Variants in SPOCK3 observed in about 807,000 individuals in gnomAD.
The protein encoded by SPOCK3 is testican-3.
A neutral mutation model predicts 56.6 loss-of-function variants in SPOCK3; 30 were observed. The observed-to-expected ratio is 0.53, with a 90% CI of 0.40 to 0.72. The LOEUF (loss-of-function observed/expected upper bound fraction) is 0.72, where lower values mean the gene tolerates loss of function less well. Among genes scored for constraint, SPOCK3 ranks in the 30% least tolerant of loss-of-function variants. The probability of loss-of-function intolerance (pLI) is 0.00; values close to 1 mark genes in which losing one functional copy is unlikely to be tolerated. For synonymous variants in SPOCK3, 196 were observed against 183.3 expected (o/e 1.07, Z -0.56); for missense variants, 527 against 530.0 (o/e 0.99, Z 0.06).
At chr4:167,222,736 A>T (rs1180006385) in intron 2 of SPOCK3, among the ~76,000 whole-genome samples, 1 of 131,188 alleles carries the variant, frequency 7.6e-6, no homozygotes, top group Non-Finnish European at 1.5e-5. Flanking sequence ...TGAATATATA[A>T]ATATATAAAC....
intron 2 of SPOCK3, among the ~76,000 whole-genome samples, chr4:167,086,454 T>C (rs2150300996): frequency 6.6e-6 from 1 of 152,186 alleles, no homozygotes; most frequent in African/African-American, 2.4e-5. Context: ...ACCTAAGAAG[T>C]AGACTAAAAA....
At chr4:166,800,208 G>GAAAAAAAAAAAAAAAAA (rs1207796263) in intron 6 of SPOCK3, among the ~76,000 whole-genome samples, 71 of 112,904 alleles carry the variant, frequency 6.3e-4, no homozygotes, top group Middle Eastern at 5.0e-3. Context: ...AAAAAAAAAT[G>GAAAAAAAAAAAAAAAAA]AAAACATGGA....
intron 3 of SPOCK3, among the ~76,000 whole-genome samples, chr4:167,033,266 A>T (rs1407869218): frequency 6.6e-6 from 1 of 151,148 alleles, no homozygotes; most frequent in Non-Finnish European, 1.5e-5. Flanking sequence ...TTATATTTTT[A>T]AATCAATATA....
At chr4:167,150,972 G>C (rs1411498570) in intron 2 of SPOCK3, among the ~76,000 whole-genome samples, 1 of 152,106 alleles carries the variant, frequency 6.6e-6, no homozygotes, top group Non-Finnish European at 1.5e-5. Context: ...TAAGAGCATT[G>C]ATTGCCTTAT....
chr4:167,022,115 C>A (rs1237994340), intron 3 of SPOCK3, among the ~76,000 whole-genome samples: 1 of 151,852 alleles, frequency 6.6e-6, no homozygotes, highest in Non-Finnish European at 1.5e-5. Context: ...GTGCTGTTCC[C>A]ATCTAGTACT....
chr4:166,736,534 A>G lies in SPOCK3; in HGVS notation c.1132+933T>C, dbSNP rs1043301678. On this transcript the variant is annotated intron_variant, in intron 10 of 10. Transcript: ENST00000357545. ...GATTCAGAGCAGGAATTTAAAGTTT[A>G]AATGAGATTACTTTTATTGTTTATC... Among the ~76,000 whole-genome samples, 6 of 152,290 alleles carry G rather than the reference A, an allele frequency of 3.9e-5. No homozygotes were observed. In the East Asian group the frequency reaches 1.2e-3, roughly 29 times the overall value.
At position 167,058,533 on chromosome 4, in the gene SPOCK3, T is replaced by C. The variant is rs564646646; in HGVS notation, c.235+3959A>G. On this transcript the variant is annotated intron_variant, in intron 3 of 10. Transcript: ENST00000357545. ...AACAAATGGAAGAACATTCCATGCT[T>C]GTGGGTAGGAAGAATCAATATCATG... is the stretch of plus-strand genomic sequence containing the variant. Among the ~76,000 whole-genome samples, 18 of 152,228 alleles carry C rather than the reference T, an allele frequency of 1.2e-4. No homozygotes were observed. In the South Asian group the frequency reaches 1.7e-3, roughly 14 times the overall value.
intron 2 of SPOCK3, among the ~76,000 whole-genome samples, chr4:167,222,790 GATAT>G (rs1380977629): frequency 8.5e-6 from 1 of 117,384 alleles, no homozygotes; most frequent in East Asian, 2.4e-4. Flanking sequence ...TATAAACATA[GATAT>G]ATATTGATAT....
intron 2 of SPOCK3, among the ~76,000 whole-genome samples, chr4:167,220,544 AT>A (rs528592723): frequency 0.039 from 5,449 of 140,408 alleles, 91 homozygotes; most frequent in South Asian, 0.059. Flanking sequence ...CACACAGCTA[AT>A]TTTTTTTTTT....
intron 3 of SPOCK3, among the ~76,000 whole-genome samples, chr4:167,054,715 A>G (rs1754596427): frequency 6.6e-6 from 1 of 152,236 alleles, no homozygotes. Flanking sequence ...GTGGTAAAAC[A>G]TAAAGAAACT....
In SPOCK3 at chr4:166,737,532, C is replaced by G; in HGVS notation, c.1067G>C (p.Cys356Ser). 6.2e-7 allele frequency: 1 copy of G among 1,613,346 alleles called. No individual in the cohort carries two copies. The highest frequency in any genetic ancestry group is 8.5e-7 in the Non-Finnish European group (1 of 1,179,572). The change falls in exon 10 of 11, where the codon TGC (cysteine) becomes TCC (serine). Residue 356 changes from cysteine (C) to serine (S), a missense_variant. By Grantham distance (112) the Cys-to-Ser change is moderately radical (BLOSUM62 -1). Transcript: ENST00000357545. ...ATTTCCATATCTGTCAACACACCAGCACTGTCCAACACTGCCATGACATTG... is the reference window on the plus strand; with the variant it reads ...ATTTCCATATCTGTCAACACACCAGGACTGTCCAACACTGCCATGACATTG... ...PTQCHGSVGQ[C>S]WCVDRYGNEV...
At chr4:166,962,697 G>T (rs143825687) in intron 4 of SPOCK3, among the ~76,000 whole-genome samples, 1 of 152,094 alleles carries the variant, frequency 6.6e-6, no homozygotes, top group East Asian at 1.9e-4. Flanking sequence ...CCATTTTCAC[G>T]ACTTCCATAG....
At chr4:166,814,501 T>C (rs6834977) in intron 6 of SPOCK3, among the ~76,000 whole-genome samples, 8,513 of 152,090 alleles carry the variant, frequency 0.056, 508 homozygotes, top group African/African-American at 0.14. Flanking sequence ...TAGGAAAAGG[T>C]GGGATAAGCT....
At chr4:167,200,103 G>T (rs1733372791) in intron 2 of SPOCK3, among the ~76,000 whole-genome samples, 1 of 151,972 alleles carries the variant, frequency 6.6e-6, no homozygotes, top group South Asian at 2.1e-4. Flanking sequence ...TATGAAATTT[G>T]TTCCATAGAT....
intron 4 of SPOCK3, among the ~76,000 whole-genome samples, chr4:166,927,640 G>C (rs140455299): frequency 2.0e-4 from 30 of 152,152 alleles, no homozygotes; most frequent in African/African-American, 7.0e-4. Context: ...ATTTAACATA[G>C]AAGAAAATCT....
rs572263382 is a variant in SPOCK3 at position 167,099,971 on chromosome 4, G to T, written c.190-37434C>A. Reference sequence around the variant, plus strand: ...GACAATTATGTACAATTTGGTCTGAGCTATCACAATAACTAACATCACTTA... The same window carrying T: ...GACAATTATGTACAATTTGGTCTGATCTATCACAATAACTAACATCACTTA... On this transcript the variant is annotated intron_variant, in intron 2 of 10. Transcript: ENST00000357545. 2.0e-5 allele frequency among the ~76,000 whole-genome samples: 3 copies of T among 152,132 alleles called. No individual in the cohort carries two copies. The South Asian group carries it at 6.2e-4, about 32-fold the overall frequency.
chr4:166,813,987 A>T (rs1744119879), intron 6 of SPOCK3, among the ~76,000 whole-genome samples: 1 of 152,090 alleles, frequency 6.6e-6, no homozygotes, highest in African/African-American at 2.4e-5. Context: ...AAACTTGAGT[A>T]AAAGAATAGT....
At chr4:166,788,761 T>TA (rs886227001) in intron 7 of SPOCK3, among the ~76,000 whole-genome samples, 20 of 151,834 alleles carry the variant, frequency 1.3e-4, no homozygotes, top group Admixed American at 8.5e-4. Context: ...GACGTTTTTT[T>TA]AAAAAACTAT....
rs1388911412 is a variant in SPOCK3, at chr4:167,111,490, ACTTG to A, written c.190-48957_190-48954del. On this transcript the variant is annotated intron_variant, in intron 2 of 10. Coordinates refer to ENST00000357545, the MANE Select transcript of SPOCK3 (RefSeq NM_001040159.2). ...ATTAAAAGACATTATTCTACATAAT[ACTTG>A]CTTAATTTTTTAAAATAACAATTAA... Among the ~76,000 whole-genome samples the A allele has an allele frequency of 2.6e-5, 4 of 152,296 alleles. No individual in the cohort carries two copies. In the South Asian group the frequency reaches 6.2e-4, roughly 24 times the overall value.
Sources: gnomAD v4.1 joint callset for allele counts (sites outside exome capture counted in the v4.1 genomes callset) on GRCh38, gnomAD v4.1.1 for gene constraint, MANE v1.5 for transcripts, NCBI Gene and HGNC (gene_info 2026-07-23, HGNC 2026-07-21) for gene names.